GK: variants seen among roughly 807,000 people sequenced by gnomAD.
GK encodes the protein ATP:glycerol 3-phosphotransferase.
A neutral mutation model predicts 56.4 loss-of-function variants in GK; 9 were observed. The ratio of observed to expected loss-of-function variants is 0.16; its 90% CI spans 0.10 to 0.28. The LOEUF (loss-of-function observed/expected upper bound fraction) is 0.28, where lower values mean the gene tolerates loss of function less well. GK is among the 10% of genes least tolerant of loss of function. The pLI is 1.00. For missense variants in GK, 161 were observed against 431.4 expected (o/e 0.37, Z 5.55); for synonymous variants, 104 against 144.1 (o/e 0.72, Z 1.99).
intron 13 of GK, among the ~76,000 whole-genome samples, chrX:30,710,222 C>G (rs958736913): frequency 9.0e-6 from 1 of 111,312 alleles, no homozygotes; most frequent in Non-Finnish European, 1.9e-5. Flanking sequence ...GACATCAAAG[C>G]CTTGATGCCT....
chrX:30,728,355 T>TTAGG (rs780497065), intron 20 of GK, among the ~76,000 whole-genome samples: 10 of 110,997 alleles, frequency 9.0e-5, no homozygotes, highest in Non-Finnish European at 1.7e-4. Flanking sequence ...AAATTCATGA[T>TTAGG]TAGGGTTTCA....
chrX:30,703,421 G>A (rs780996970), intron 11 of GK, among the ~76,000 whole-genome samples: 1 of 111,581 alleles, frequency 9.0e-6, no homozygotes, highest in Non-Finnish European at 1.9e-5. Flanking sequence ...TAGTGTCCCG[G>A]TAATGAGCAC....
intron 4 of GK, among the ~76,000 whole-genome samples, chrX:30,688,863 G>A (rs1934769117): frequency 8.9e-6 from 1 of 111,986 alleles, no homozygotes; most frequent in African/African-American, 3.2e-5. Flanking sequence ...ATTAAAATAT[G>A]AAAAAACACG....
chrX:30,687,839 A>G (rs1347156024), intron 4 of GK, among the ~76,000 whole-genome samples: 1 of 111,669 alleles, frequency 9.0e-6, no homozygotes, highest in Non-Finnish European at 1.9e-5. Context: ...AAGTTTTCTA[A>G]TTTTTTTGTT....
In GK at chrX:30,731,345, C is replaced by A. The variant is rs1354899184; in HGVS notation, c.*2603C>A. ...AGTACAAAAATTTTTTTAACTATAA[C>A]TCTTTAATAGCTTGTTTTATCTAGT... On this transcript the variant is annotated 3_prime_UTR_variant, in exon 21 of 21. Coordinates refer to ENST00000427190, the MANE Select transcript of GK (RefSeq NM_001205019.2). 9.0e-6 allele frequency: 1 copy of A among 111,728 alleles called. No individual in the cohort carries two copies. The highest frequency in any genetic ancestry group is 1.9e-5 in the Non-Finnish European group (1 of 53,145). The allele number at this position is 111,728 out of a possible 1,213,427, so 9.2% of individuals were successfully genotyped here. A position where few individuals can be genotyped will look rare whatever the true frequency, so the allele number is the denominator to read the frequency against.
intron 1 of GK, among the ~76,000 whole-genome samples, chrX:30,661,991 G>GAGA (rs1262417686): frequency 1.8e-5 from 2 of 111,839 alleles, no homozygotes; most frequent in Non-Finnish European, 3.8e-5. Flanking sequence ...TGTACATTTG[G>GAGA]CCATCTGCAG....
At chrX:30,681,697 A>C (rs1004006554) in intron 4 of GK, among the ~76,000 whole-genome samples, 3 of 111,886 alleles carry the variant, frequency 2.7e-5, no homozygotes, top group African/African-American at 6.5e-5. Flanking sequence ...GAAGTAGCTG[A>C]GGAAAAAAGA....
chrX:30,722,677 C>T (rs1784605912), intron 18 of GK, among the ~76,000 whole-genome samples: 1 of 112,093 alleles, frequency 8.9e-6, no homozygotes, highest in Non-Finnish European at 1.9e-5. Flanking sequence ...ATGAATAAGG[C>T]CTTATCTTCT....
At chrX:30,715,320 AT>A (rs1936560820) in intron 13 of GK, among the ~76,000 whole-genome samples, 1 of 112,295 alleles carries the variant, frequency 8.9e-6, no homozygotes, top group Non-Finnish European at 1.9e-5. Flanking sequence ...TTTTAATTCA[AT>A]CTTCCTATAG....
intron 13 of GK, among the ~76,000 whole-genome samples, chrX:30,716,173 C>T (rs992492093): frequency 1.3e-4 from 15 of 112,301 alleles, no homozygotes; most frequent in Non-Finnish European, 2.8e-4. Flanking sequence ...CTTTACTAGA[C>T]TCCTAGCACA....
At chrX:30,699,292 T>A in intron 9 of GK, among the ~76,000 whole-genome samples, 2 of 98,479 alleles carry the variant, frequency 2.0e-5, no homozygotes, top group Non-Finnish European at 4.1e-5. Flanking sequence ...CAACATGTTA[T>A]ACATAACATG....
At chrX:30,697,487 T>C (rs963773932) in intron 8 of GK, among the ~76,000 whole-genome samples, 2 of 112,084 alleles carry the variant, frequency 1.8e-5, no homozygotes, top group African/African-American at 6.5e-5. Flanking sequence ...GTTTTATTTA[T>C]AATAAAGCTT....
chrX:30,724,490 A>G, intron 19 of GK: 1 of 262,903 alleles, frequency 3.8e-6, no homozygotes, highest in Non-Finnish European at 6.9e-6. Context: ...AAAAAAATCA[A>G]CTAGAGTCTT....
chrX:30,658,907 C>T (rs1932512257), intron 1 of GK, among the ~76,000 whole-genome samples: 1 of 112,842 alleles, frequency 8.9e-6, no homozygotes, highest in Non-Finnish European at 1.9e-5. Flanking sequence ...AGTGTGTTGA[C>T]TGGAACACTT....
chrX:30,703,027 G>A (rs146115428), intron 11 of GK, among the ~76,000 whole-genome samples: 3 of 112,048 alleles, frequency 2.7e-5, no homozygotes, highest in African/African-American at 9.7e-5. Context: ...GGAATCAAGT[G>A]CCATGAGAAA....
chrX:30,724,683 C>A (rs1486973245), intron 19 of GK: 3 of 279,642 alleles, frequency 1.1e-5, no homozygotes, highest in South Asian at 7.2e-5. Flanking sequence ...AATTCGAACT[C>A]TTATAAATAG....
chrX:30,698,866 C>CAAAAAAAAAAAA (rs386416832), intron 9 of GK, among the ~76,000 whole-genome samples: 5 of 43,337 alleles, frequency 1.2e-4, no homozygotes, highest in Non-Finnish European at 1.6e-4. Context: ...AACTCCATCT[C>CAAAAAAAAAAAA]AAAAAAAAAA....
At chrX:30,698,695 C>A (rs1342035379) in intron 9 of GK, among the ~76,000 whole-genome samples, 1 of 51,629 alleles carries the variant, frequency 1.9e-5, no homozygotes, top group Non-Finnish European at 3.6e-5. Flanking sequence ...GAGGGAGACT[C>A]CGTCTCAAAA....
intron 17 of GK, 38 bp downstream of exon 17, chrX:30,720,779 T>C (rs764777699): frequency 2.5e-6 from 3 of 1,207,405 alleles, no homozygotes; most frequent in South Asian, 1.8e-5. Flanking sequence ...CCCAGAGTAA[T>C]GTTTCTTGTG....
Sources: allele counts gnomAD v4.1 joint callset (sites outside exome capture counted in the v4.1 genomes callset), GRCh38; gene constraint gnomAD v4.1.1; transcripts MANE v1.5; gene names NCBI Gene and HGNC (gene_info 2026-07-23, HGNC 2026-07-21).